Variants in RAD23B observed in about 807,000 individuals in gnomAD.
RAD23B encodes the protein RAD23 nucleotide excision repair protein B.
RAD23B carries 5 observed loss-of-function variants against 49.1 expected under a neutral mutation model. That is an observed-to-expected ratio of 0.10 (90% confidence interval 0.05 to 0.21). RAD23B has a LOEUF of 0.21. Ranked by LOEUF, RAD23B falls within the 10% of genes least tolerant of loss-of-function variation. RAD23B has a pLI of 1.00. For synonymous variants in RAD23B, 184 were observed against 165.4 expected (o/e 1.11, Z -0.86); for missense variants, 356 against 486.7 (o/e 0.73, Z 2.53).
At chr9:107,294,977 C>T (rs762103124) in intron 1 of RAD23B, among the ~76,000 whole-genome samples, 8 of 150,796 alleles carry the variant, frequency 5.3e-5, no homozygotes, top group Non-Finnish European at 7.4e-5. Context: ...TACTGTCACA[C>T]GTGACAAGAG....
At chr9:107,301,918 G>T in intron 2 of RAD23B, 117 bp from the exon 3 acceptor site, 10 of 1,332,624 alleles carry the variant, frequency 7.5e-6, no homozygotes, top group Non-Finnish European at 9.1e-6. Context: ...AATTTATGTT[G>T]GTGATTCATA....
At chr9:107,297,989 C>T (rs1487616379) in intron 1 of RAD23B, among the ~76,000 whole-genome samples, 1 of 152,176 alleles carries the variant, frequency 6.6e-6, no homozygotes, top group East Asian at 1.9e-4. Flanking sequence ...GGAGCACCCA[C>T]TCCATGCCAA....
Position 107,331,487 on chromosome 9 carries a change from TG to T in RAD23B, c.*1833del, listed in dbSNP as rs1827305687. 2 of 544,072 alleles carry T rather than the reference TG, an allele frequency of 3.7e-6. No homozygotes were observed. The highest frequency in any genetic ancestry group is 3.8e-5 in the African/African-American group (2 of 52,384). 33.7% of individuals were successfully genotyped at this position (544,072 alleles called of 1,614,324 possible). ...CACTGCCATAAACATGACAGGCTTT[TG>T]GACTTTGTATTACCTGTATGTTTTA... is the stretch of plus-strand genomic sequence containing the variant. On this transcript the variant is annotated 3_prime_UTR_variant, in exon 10 of 10. Transcript: ENST00000358015.
chr9:107,290,557 G>A (rs1256387417), intron 1 of RAD23B, among the ~76,000 whole-genome samples: 1 of 152,008 alleles, frequency 6.6e-6, no homozygotes. Flanking sequence ...TTGTACTTGT[G>A]CTTTGTCCTT....
chr9:107,317,089 C>T (rs1827012735), intron 5 of RAD23B, among the ~76,000 whole-genome samples: 1 of 59,700 alleles, frequency 1.7e-5, no homozygotes, highest in Non-Finnish European at 3.1e-5. Context: ...TTTGCGCACA[C>T]GCGTGCGTGT....
intron 1 of RAD23B, among the ~76,000 whole-genome samples, chr9:107,289,478 A>C (rs1264350641): frequency 6.6e-6 from 1 of 152,094 alleles, no homozygotes; most frequent in Non-Finnish European, 1.5e-5. Flanking sequence ...GAGCCAGCAC[A>C]CCTAGCCAAG....
intron 9 of RAD23B, 41 bp from the exon 10 acceptor site, chr9:107,329,502 A>G (rs1827268903): frequency 8.2e-7 from 1 of 1,212,898 alleles, no homozygotes; most frequent in Non-Finnish European, 1.2e-6. Flanking sequence ...ATGTGCCATA[A>G]TTGGTGTGTT....
In RAD23B at chr9:107,308,533, T is replaced by A. The variant is rs1321276453; in HGVS notation, c.497+1886T>A. Among the ~76,000 whole-genome samples, 3 of 152,264 alleles carry A rather than the reference T, an allele frequency of 2.0e-5. No homozygotes were observed. The East Asian group carries it at 5.8e-4, about 29-fold the overall frequency. ...CATGCCCAGCCCATTAACTCTAGTT[T>A]TATTTTCTTCCTGGAGTTGCAGTTT... On this transcript the variant is annotated intron_variant, in intron 4 of 9. Transcript: ENST00000358015.
Position 107,331,637 on chromosome 9 carries a change from C to G in RAD23B, c.*1981C>G, listed in dbSNP as rs1564255807. 1 of 767,156 alleles carries G rather than the reference C, an allele frequency of 1.3e-6. No individual in the cohort carries two copies. Among genetic ancestry groups the G allele is most frequent in the Non-Finnish European group, 2.4e-6 (1 of 413,934 alleles). 47.5% of individuals were successfully genotyped at this position (767,156 alleles called of 1,614,324 possible). On this transcript the variant is annotated 3_prime_UTR_variant, in exon 10 of 10. Coordinates refer to ENST00000358015, the MANE Select transcript of RAD23B (RefSeq NM_002874.5). ...TTCTGATCGGATAATGGAATACTCT[C>G]ATTTATTTTATGACATTCTCTGTCT...
chr9:107,327,069 G>C (rs879472762), intron 9 of RAD23B, among the ~76,000 whole-genome samples: 39 of 152,116 alleles, frequency 2.6e-4, no homozygotes, highest in Non-Finnish European at 5.1e-4. Context: ...TTCCTCTTTT[G>C]ATAAAGTAAT....
intron 6 of RAD23B, among the ~76,000 whole-genome samples, chr9:107,320,727 A>C (rs1438163843): frequency 1.3e-5 from 2 of 152,196 alleles, no homozygotes; most frequent in Non-Finnish European, 2.9e-5. Flanking sequence ...TAGTTTAATA[A>C]AAGAGAATTT....
chr9:107,299,403 G>C (rs11573657), intron 1 of RAD23B, among the ~76,000 whole-genome samples: 10 of 152,116 alleles, frequency 6.6e-5, no homozygotes, highest in African/African-American at 2.2e-4. Context: ...AAGTTCATTA[G>C]ACTCATTTTT....
chr9:107,312,830 C>T (rs1003208227), intron 5 of RAD23B, among the ~76,000 whole-genome samples: 5 of 151,776 alleles, frequency 3.3e-5, no homozygotes, highest in Non-Finnish European at 7.4e-5. Flanking sequence ...CTAGCACTTG[C>T]CCCTGATGGT....
intron 6 of RAD23B, 136 bp downstream of exon 6, chr9:107,319,015 G>GTTTGTAT (rs1459542786): frequency 2.5e-6 from 2 of 794,088 alleles, no homozygotes; most frequent in Non-Finnish European, 3.5e-6. Context: ...TTTCTAGTAT[G>GTTTGTAT]TTTGTATTTT....
At chr9:107,329,301 G>T (rs541421038) in intron 9 of RAD23B, among the ~76,000 whole-genome samples, 2 of 152,108 alleles carry the variant, frequency 1.3e-5, no homozygotes, top group Non-Finnish European at 2.9e-5. Flanking sequence ...TAGAAACAAA[G>T]ACTTTTTTAG....
At chr9:107,317,591 C>T (rs1447785774) in intron 5 of RAD23B, among the ~76,000 whole-genome samples, 3 of 151,830 alleles carry the variant, frequency 2.0e-5, no homozygotes, top group South Asian at 2.1e-4. Flanking sequence ...AAATATAGGA[C>T]ATAGTTAACT....
intron 3 of RAD23B, among the ~76,000 whole-genome samples, chr9:107,305,148 T>G (rs552045093): frequency 1.3e-5 from 2 of 151,738 alleles, no homozygotes; most frequent in South Asian, 4.2e-4. Context: ...TACAAAAATT[T>G]AGCAGGGAGT....
chr9:107,288,238 T>C (rs1833314599), intron 1 of RAD23B, among the ~76,000 whole-genome samples: 1 of 152,132 alleles, frequency 6.6e-6, no homozygotes, highest in African/African-American at 2.4e-5. Context: ...CCCAACGTAG[T>C]GTGTTTGCAT....
At chr9:107,304,005 A>C (rs189404303) in intron 3 of RAD23B, among the ~76,000 whole-genome samples, 1 of 152,288 alleles carries the variant, frequency 6.6e-6, no homozygotes, top group Admixed American at 6.5e-5. Context: ...ATAGGATTCT[A>C]ATGATATTTA....
Sources: gnomAD v4.1 joint callset for allele counts (sites outside exome capture counted in the v4.1 genomes callset) on GRCh38, gnomAD v4.1.1 for gene constraint, MANE v1.5 for transcripts, NCBI Gene and HGNC (gene_info 2026-07-23, HGNC 2026-07-21) for gene names.